HPSE2: variants seen among roughly 807,000 people sequenced by gnomAD.
The protein encoded by HPSE2 is inactive heparanase-2.
HPSE2 carries 38 observed loss-of-function variants against 60.5 expected under a neutral mutation model. That is an observed-to-expected ratio of 0.63 (90% confidence interval 0.48 to 0.82). HPSE2 has a LOEUF of 0.82. Among genes scored for constraint, HPSE2 ranks in the 40% least tolerant of loss-of-function variants. The probability of loss-of-function intolerance (pLI) is 0.00; values close to 1 mark genes in which losing one functional copy is unlikely to be tolerated. For synonymous variants in HPSE2, 295 were observed against 293.2 expected (o/e 1.01, Z -0.06); for missense variants, 713 against 740.4 (o/e 0.96, Z 0.43).
chr10:98,685,852 C>A (rs1226099144), intron 6 of HPSE2, among the ~76,000 whole-genome samples: 1 of 152,142 alleles, frequency 6.6e-6, no homozygotes, highest in Non-Finnish European at 1.5e-5. Flanking sequence ...CCAGATATTG[C>A]AGGATTTTAA....
intron 3 of HPSE2, among the ~76,000 whole-genome samples, chr10:98,960,701 C>CTTTTT: frequency 1.3e-3 from 73 of 57,432 alleles, no homozygotes; most frequent in East Asian, 3.1e-3. Context: ...ATGTACATTT[C>CTTTTT]TTTTTTTTTT....
At chr10:98,807,235 G>T (rs1175791534) in intron 3 of HPSE2, among the ~76,000 whole-genome samples, 2 of 152,104 alleles carry the variant, frequency 1.3e-5, no homozygotes, top group East Asian at 3.8e-4. Flanking sequence ...TTTTTTATAT[G>T]TGGCAAAACA....
At chr10:99,294,091 AT>A in the HPSE2 span, among the ~76,000 whole-genome samples, 3 of 152,238 alleles carry the variant, frequency 2.0e-5, no homozygotes, top group East Asian at 3.9e-4. Flanking sequence ...TCTCAGGTGA[AT>A]GCGGCAGTAG....
At chr10:99,302,956 G>A in the HPSE2 span, among the ~76,000 whole-genome samples, 1 of 151,386 alleles carries the variant, frequency 6.6e-6, no homozygotes, top group African/African-American at 2.4e-5. Context: ...ACTTTCATTA[G>A]GTGGACTGAA....
rs934060869 is a variant in HPSE2 at position 98,937,886 on chromosome 10, C to A, written c.611-193830G>T. ...CACATGGCCCAGTACTCCTCTGAGA[C>A]AAAACTTCCAGAGGAACGATCAGAC... On this transcript the variant is annotated intron_variant, in intron 3 of 11. Transcript: ENST00000370552. 2.8e-5 allele frequency among the ~76,000 whole-genome samples: 4 copies of A among 143,328 alleles called. 1 individual carries two copies. The highest frequency in any genetic ancestry group is 8.6e-5 in the African/African-American group (3 of 35,010). 94.0% of individuals were successfully genotyped at this position (143,328 alleles called of 152,430 possible).
chr10:98,889,884 T>A (rs1953284360), intron 3 of HPSE2, among the ~76,000 whole-genome samples: 1 of 152,146 alleles, frequency 6.6e-6, no homozygotes, highest in Non-Finnish European at 1.5e-5. Flanking sequence ...AAATTCATAC[T>A]CTCATTTACA....
intron 3 of HPSE2, among the ~76,000 whole-genome samples, chr10:98,988,091 T>A (rs981715819): frequency 6.6e-6 from 1 of 152,220 alleles, no homozygotes; most frequent in African/African-American, 2.4e-5. Context: ...ATAGATTCAA[T>A]GCCATCCCCA....
At chr10:99,186,046 AG>A (rs1847995512) in intron 2 of HPSE2, among the ~76,000 whole-genome samples, 1 of 151,722 alleles carries the variant, frequency 6.6e-6, no homozygotes, top group Non-Finnish European at 1.5e-5. Flanking sequence ...AATTAGTGAC[AG>A]ACAATAAACC....
At chr10:99,292,583 A>G in the HPSE2 span, among the ~76,000 whole-genome samples, 1 of 152,202 alleles carries the variant, frequency 6.6e-6, no homozygotes, top group Non-Finnish European at 1.5e-5. Flanking sequence ...AGAACCACAA[A>G]TATGAGCCAC....
intron 3 of HPSE2, among the ~76,000 whole-genome samples, chr10:99,051,648 G>C (rs1957993591): frequency 6.6e-6 from 1 of 152,130 alleles, no homozygotes; most frequent in South Asian, 2.1e-4. Context: ...CAAAAAGTCT[G>C]GTAAAGCAAC....
chr10:99,298,228 A>G, the HPSE2 span, among the ~76,000 whole-genome samples: 9 of 152,144 alleles, frequency 5.9e-5, no homozygotes, highest in Non-Finnish European at 4.4e-5. Context: ...TGTTTAGCCC[A>G]TCTCTCTGCA....
intron 7 of HPSE2, among the ~76,000 whole-genome samples, chr10:98,625,734 C>G (rs1482006636): frequency 6.6e-6 from 1 of 152,090 alleles, no homozygotes; most frequent in East Asian, 1.9e-4. Flanking sequence ...AAAAACATCA[C>G]CGAATTTCTA....
chr10:99,207,843 C>A (rs572128809), intron 2 of HPSE2, among the ~76,000 whole-genome samples: 9 of 151,850 alleles, frequency 5.9e-5, no homozygotes, highest in South Asian at 2.1e-4. Context: ...GTTCAAGATC[C>A]CCAGTAGATG....
chr10:98,581,484 G>T (rs1237700916), intron 9 of HPSE2, among the ~76,000 whole-genome samples: 5 of 151,906 alleles, frequency 3.3e-5, no homozygotes, highest in African/African-American at 1.2e-4. Flanking sequence ...TAGTAATTTA[G>T]ATTTAAATAA....
intron 3 of HPSE2, among the ~76,000 whole-genome samples, chr10:98,922,359 G>A (rs1954305586): frequency 6.6e-6 from 1 of 152,106 alleles, no homozygotes; most frequent in Non-Finnish European, 1.5e-5. Flanking sequence ...TGTTATGGAT[G>A]TTTGTCATTT....
the HPSE2 span, among the ~76,000 whole-genome samples, chr10:99,268,887 G>C: frequency 1.3e-5 from 2 of 152,078 alleles, no homozygotes; most frequent in Non-Finnish European, 2.9e-5. Flanking sequence ...AGGCATGGTG[G>C]CTCACGCCTG....
chr10:98,655,515 G>T (rs1398618940), intron 6 of HPSE2, among the ~76,000 whole-genome samples: 1 of 152,172 alleles, frequency 6.6e-6, no homozygotes, highest in African/African-American at 2.4e-5. Flanking sequence ...TTTCAGGGTG[G>T]TGTTTGCTCT....
chr10:99,271,773 G>A, the HPSE2 span, among the ~76,000 whole-genome samples: 1 of 152,138 alleles, frequency 6.6e-6, no homozygotes, highest in African/African-American at 2.4e-5. Flanking sequence ...CACCAAAACT[G>A]CATGGTTCTG....
intron 2 of HPSE2, among the ~76,000 whole-genome samples, chr10:99,150,969 C>G (rs1366395994): frequency 6.6e-6 from 1 of 151,900 alleles, no homozygotes; most frequent in Non-Finnish European, 1.5e-5. Flanking sequence ...GATCACTAAG[C>G]TATGCAGACT....
Sources: allele counts gnomAD v4.1 joint callset (sites outside exome capture counted in the v4.1 genomes callset), GRCh38; gene constraint gnomAD v4.1.1; transcripts MANE v1.5; gene names NCBI Gene and HGNC (gene_info 2026-07-23, HGNC 2026-07-21).